Variants in KLHL31 observed in about 807,000 individuals in gnomAD.
KLHL31 encodes the protein kelch like family member 31.
KLHL31 carries 32 observed loss-of-function variants against 47.1 expected under a neutral mutation model. The ratio of observed to expected loss-of-function variants is 0.68; its 90% CI spans 0.51 to 0.91. The LOEUF is 0.91. Ranked by LOEUF, KLHL31 falls within the 40% of genes least tolerant of loss-of-function variation. The pLI is 0.00. For missense variants in KLHL31, 797 were observed against 819.3 expected, an observed-to-expected ratio of 0.97 and a Z score of 0.33; for synonymous variants, 330 against 325.1, an observed-to-expected ratio of 1.01 and a Z score of -0.16.
In KLHL31 at chr6:53,652,116, C is replaced by G. The variant is rs1401289348; in HGVS notation, c.1387G>C (p.Val463Leu). Residue 463 changes from valine (V) to leucine (L), a missense_variant, in exon 3 of 3, where the codon GTC becomes CTC. Coordinates refer to ENST00000370905, the MANE Select transcript of KLHL31 (RefSeq NM_001003760.5). Reference protein sequence around the residue: ...EVARCCHASAVADGRVLVTGG... With the variant: ...EVARCCHASALADGRVLVTGG... ...GTCACCAGCACGCGGCCGTCGGCGA[C>G]CGCGCTAGCGTGGCAGCAGCGCGCC... The G allele has an allele frequency of 6.2e-7, 1 of 1,601,118 alleles. No homozygotes were observed. The highest frequency in any genetic ancestry group is 1.3e-5 in the African/African-American group (1 of 74,860).
chr6:53,657,231 G>T (rs1012426643), intron 1 of KLHL31, among the ~76,000 whole-genome samples: 1 of 152,082 alleles, frequency 6.6e-6, no homozygotes, highest in Admixed American at 6.5e-5. Flanking sequence ...GAGCCACCTT[G>T]CCCAGCCTAA....
chr6:53,663,599 G>A (rs1451520406), intron 1 of KLHL31, among the ~76,000 whole-genome samples: 2 of 152,214 alleles, frequency 1.3e-5, no homozygotes, highest in African/African-American at 4.8e-5. Context: ...AACTTAGCTA[G>A]AGGCTGTGCC....
rs1478912421 is a variant in KLHL31, at chr6:53,650,367, A to C, written c.*1231T>G. The stretch of plus-strand genomic sequence containing the variant: ...GTGGGTACACTTTGATTATAAATCC[A>C]AAGCTCATTTGGAGCAGATGAGATT... On this transcript the variant is annotated 3_prime_UTR_variant, in exon 3 of 3. Transcript: ENST00000370905. The C allele has an allele frequency of 1.3e-5, 2 of 152,254 alleles. No homozygotes were observed. Among genetic ancestry groups the C allele is most frequent in the African/African-American group, 4.8e-5 (2 of 41,470 alleles). 9.4% of individuals were successfully genotyped at this position (152,254 alleles called of 1,614,324 possible).
rs1271466777 is a variant in KLHL31, at chr6:53,648,590, C to T, written c.*3008G>A. 3.9e-5 allele frequency: 6 copies of T among 152,168 alleles called. No homozygotes were observed. Among genetic ancestry groups the T allele is most frequent in the Admixed American group, 3.3e-4 (5 of 15,276 alleles). The allele number at this position is 152,168 out of a possible 1,614,324, so 9.4% of individuals were successfully genotyped here. On this transcript the variant is annotated 3_prime_UTR_variant, in exon 3 of 3. Coordinates refer to ENST00000370905, the MANE Select transcript of KLHL31 (RefSeq NM_001003760.5). The stretch of plus-strand genomic sequence containing the variant: ...CATAGAACCATTCAGTACTCACTTC[C>T]TCATGACATCAATTATACCTCCTCA...
At chr6:53,659,964 A>C (rs1764622225) in intron 1 of KLHL31, among the ~76,000 whole-genome samples, 1 of 151,912 alleles carries the variant, frequency 6.6e-6, no homozygotes, top group Non-Finnish European at 1.5e-5. Context: ...GGCCTGTTCC[A>C]CCCATGGGAA....
chr6:53,651,653 T>C lies in KLHL31; in HGVS notation c.1850A>G (p.Asn617Ser). The change falls in exon 3 of 3, where the codon AAC (asparagine) becomes AGC (serine). Residue 617 changes from asparagine to serine, a missense_variant. Asn to Ser is a conservative substitution (Grantham distance 46). Coordinates refer to ENST00000370905, the MANE Select transcript of KLHL31 (RefSeq NM_001003760.5). ...ACTGGCCCGGGATTCCCGAGTCACG[T>C]TGTTGGGCATCGAGAGGGTGCAGCA... is the stretch of plus-strand genomic sequence containing the variant. ...VSCCTLSMPN[N>S]VTRESRASSV... is the part of the protein sequence containing the mutation. The C allele has an allele frequency of 6.2e-7, 1 of 1,614,022 alleles. No homozygotes were observed. The highest frequency in any genetic ancestry group is 1.1e-5 in the South Asian group (1 of 91,072).
chr6:53,652,464 G>C (rs1764491771), intron 2 of KLHL31, 134 bp from the exon 3 acceptor site: 2 of 1,044,548 alleles, frequency 1.9e-6, no homozygotes, highest in Admixed American at 4.6e-5. Context: ...CACCTCACCT[G>C]GAGGCTGGAG....
chr6:53,654,164 G>C lies in KLHL31; in HGVS notation c.1109C>G (p.Ala370Gly). ...VAVMDGFLYV[A>G]GGEDQNDARN... is the part of the protein sequence containing the mutation. ...TGCATCATTCTGGTCTTCACCACCGGCTACATAAAGAAATCCATCCATCAC... is the reference window on the plus strand; with the variant it reads ...TGCATCATTCTGGTCTTCACCACCGCCTACATAAAGAAATCCATCCATCAC... Residue 370 changes from alanine to glycine, a missense_variant, in exon 2 of 3, where the codon GCC becomes GGC. By Grantham distance (60) the Ala-to-Gly change is moderately conservative. Coordinates refer to ENST00000370905, the MANE Select transcript of KLHL31 (RefSeq NM_001003760.5). 11 of 1,613,884 alleles carry C rather than the reference G, an allele frequency of 6.8e-6. No individual in the cohort carries two copies. The highest frequency in any genetic ancestry group is 9.3e-6 in the Non-Finnish European group (11 of 1,179,922).
rs1415461755 is a variant in KLHL31 at position 53,652,300 on chromosome 6, G to A, written c.1203C>T (p.His401=). ...RYDPRFNTWI[H]LASMNQKRTH... Reference sequence around the variant, plus strand: ...TGCGCTTCTGGTTCATGCTGGCCAGGTGTATCCAGGTGTTGAAGCGGGGAT... The same window carrying A: ...TGCGCTTCTGGTTCATGCTGGCCAGATGTATCCAGGTGTTGAAGCGGGGAT... The change falls in exon 3 of 3, where the codon CAC becomes CAT. Residue 401 remains histidine, a synonymous_variant. Transcript: ENST00000370905. The A allele has an allele frequency of 1.2e-6, 2 of 1,614,020 alleles. No homozygotes were observed. Among genetic ancestry groups the A allele is most frequent in the East Asian group, 2.2e-5 (1 of 44,900 alleles).
chr6:53,651,353 G>T lies in KLHL31; in HGVS notation c.*245C>A. The T allele has an allele frequency of 3.1e-6, 1 of 319,430 alleles. No homozygotes were observed. Among genetic ancestry groups the T allele is most frequent in the Non-Finnish European group, 5.2e-6 (1 of 193,134 alleles). The allele number at this position is 319,430 out of a possible 1,614,324, so 19.8% of individuals were successfully genotyped here. On this transcript the variant is annotated 3_prime_UTR_variant, in exon 3 of 3. Transcript: ENST00000370905. ...GAATTCCGTCTGCCACCCAGTGGCC[G>T]CTGAAATAAATTGTTTCTTTTGTTG...
intron 1 of KLHL31, among the ~76,000 whole-genome samples, chr6:53,660,252 A>C (rs1764625951): frequency 6.6e-6 from 1 of 152,124 alleles, no homozygotes; most frequent in African/African-American, 2.4e-5. Context: ...TGTGCATTTC[A>C]GAAGAATTTG....
At chr6:53,655,381 T>C in intron 1 of KLHL31, 76 bp from the exon 2 acceptor site, 3 of 648,832 alleles carry the variant, frequency 4.6e-6, no homozygotes, top group Non-Finnish European at 7.4e-6. Flanking sequence ...TGAGAAACTT[T>C]TTCAAAAGAT....
intron 1 of KLHL31, among the ~76,000 whole-genome samples, chr6:53,658,363 C>G (rs1214898026): frequency 2.0e-5 from 3 of 151,928 alleles, no homozygotes; most frequent in Non-Finnish European, 4.4e-5. Flanking sequence ...AATCTGAGTG[C>G]CTCAGACTGA....
Position 53,655,307 on chromosome 6 carries a change from T to TAA in KLHL31, c.-33-4_-33-3dup, listed in dbSNP as rs747503958. On this transcript the variant is annotated splice_region_variant and splice_polypyrimidine_tract_variant and intron_variant, in intron 1 of 2. Coordinates refer to ENST00000370905, the MANE Select transcript of KLHL31 (RefSeq NM_001003760.5). Reference sequence around the variant, plus strand: ...TACACTGTTACAGGCAAGAGCTTGCTAAAAAGAGAAAAAAAAAAACATGGT... The same window carrying TAA: ...TACACTGTTACAGGCAAGAGCTTGCTAAAAAAAGAGAAAAAAAAAAACATGGT... 1 of 1,363,416 alleles carries TAA rather than the reference T, an allele frequency of 7.3e-7. No individual in the cohort carries two copies. Among genetic ancestry groups the TAA allele is most frequent in the Non-Finnish European group, 9.8e-7 (1 of 1,017,870 alleles). The allele number at this position is 1,363,416 out of a possible 1,614,324, so 84.5% of individuals were successfully genotyped here.
At chr6:53,660,451 G>A (rs2127370275) in intron 1 of KLHL31, among the ~76,000 whole-genome samples, 1 of 152,194 alleles carries the variant, frequency 6.6e-6, no homozygotes, top group South Asian at 2.1e-4. Context: ...ACTCTTTAGA[G>A]GTAACTGGCT....
rs1764437905 is a variant in KLHL31 at position 53,649,636 on chromosome 6, A to C, written c.*1962T>G. 1 of 152,122 alleles carries C rather than the reference A, an allele frequency of 6.6e-6. No homozygotes were observed. The highest frequency in any genetic ancestry group is 2.4e-5 in the African/African-American group (1 of 41,442). The allele number at this position is 152,122 out of a possible 1,614,324, so 9.4% of individuals were successfully genotyped here. A position where few individuals can be genotyped will look rare whatever the true frequency, so the allele number is the denominator to read the frequency against. On this transcript the variant is annotated 3_prime_UTR_variant, in exon 3 of 3. Transcript: ENST00000370905. ...AAGCCCTAGGTCCTCCTCTTCATAC[A>C]ATACTTCTAAGATGTCAATGGGAAC... is the stretch of plus-strand genomic sequence containing the variant.
At chr6:53,656,026 A>G (rs1764556412) in intron 1 of KLHL31, among the ~76,000 whole-genome samples, 1 of 152,242 alleles carries the variant, frequency 6.6e-6, no homozygotes, top group Non-Finnish European at 1.5e-5. Context: ...GTAAAATACT[A>G]AAATTCAGGA....
At chr6:53,656,103 A>T (rs764443646) in intron 1 of KLHL31, among the ~76,000 whole-genome samples, 1 of 152,108 alleles carries the variant, frequency 6.6e-6, no homozygotes, top group South Asian at 2.1e-4. Context: ...GAAACCTGTT[A>T]TATTTTAAGA....
At position 53,651,564 on chromosome 6, in the gene KLHL31, C is replaced by G. The variant is rs1764464966; in HGVS notation, c.*34G>C. 6.3e-7 allele frequency: 1 copy of G among 1,581,530 alleles called. No individual in the cohort carries two copies. Among genetic ancestry groups the G allele is most frequent in the Non-Finnish European group, 8.6e-7 (1 of 1,160,860 alleles). On this transcript the variant is annotated 3_prime_UTR_variant, in exon 3 of 3. Coordinates refer to ENST00000370905, the MANE Select transcript of KLHL31 (RefSeq NM_001003760.5). Reference sequence around the variant, plus strand: ...ACCACGTGGCTCTACGAATAAATAACGTGTTCTTCCTGCGTCCCTGCATCT... The same window carrying G: ...ACCACGTGGCTCTACGAATAAATAAGGTGTTCTTCCTGCGTCCCTGCATCT...
Sources: allele counts gnomAD v4.1 joint callset (sites outside exome capture counted in the v4.1 genomes callset), GRCh38; gene constraint gnomAD v4.1.1; transcripts MANE v1.5; gene names NCBI Gene and HGNC (gene_info 2026-07-23, HGNC 2026-07-21).